LIMD1: variants seen among roughly 807,000 people sequenced by gnomAD.
LIMD1 encodes LIM domain-containing protein 1.
Under a neutral mutation model 58.4 loss-of-function variants are expected in LIMD1, and 23 were observed. The ratio of observed to expected loss-of-function variants is 0.39; its 90% CI spans 0.28 to 0.56. LIMD1 has a LOEUF of 0.56. Ranked by LOEUF, LIMD1 falls within the 20% of genes least tolerant of loss-of-function variation. LIMD1 has a pLI of 0.57. For missense variants in LIMD1, 838 were observed against 855.5 expected, an observed-to-expected ratio of 0.98 and a Z score of 0.25; for synonymous variants, 334 against 345.5, an observed-to-expected ratio of 0.97 and a Z score of 0.37.
intron 3 of LIMD1, among the ~76,000 whole-genome samples, chr3:45,667,988 C>T (rs1436753702): frequency 6.6e-6 from 1 of 152,132 alleles, no homozygotes; most frequent in Non-Finnish European, 1.5e-5. Context: ...GGGAACTGCT[C>T]TTTGAGAACC....
chr3:45,668,525 C>T (rs184068418), intron 4 of LIMD1, among the ~76,000 whole-genome samples, 169 bp downstream of exon 4: 6 of 152,186 alleles, frequency 3.9e-5, no homozygotes, highest in East Asian at 3.9e-4. Flanking sequence ...CCGAGGCGGG[C>T]GGATCACGAG....
intron 1 of LIMD1, among the ~76,000 whole-genome samples, chr3:45,626,649 A>G (rs1315971282): frequency 6.6e-6 from 1 of 152,190 alleles, no homozygotes; most frequent in Admixed American, 6.5e-5. Flanking sequence ...TTGCTACTGT[A>G]ATAGTAGATA....
chr3:45,673,512 T>C lies in LIMD1; in HGVS notation c.1824+7T>C. 1 of 1,612,266 alleles carries C rather than the reference T, an allele frequency of 6.2e-7. No individual in the cohort carries two copies. Among genetic ancestry groups the C allele is most frequent in the South Asian group, 1.1e-5 (1 of 91,048 alleles). On this transcript the variant is annotated splice_region_variant and intron_variant, in intron 6 of 7. Coordinates refer to ENST00000273317, the MANE Select transcript of LIMD1 (RefSeq NM_014240.3). ...TCCCATCCTTCCACCTGAGGTAAGA[T>C]GCCCTTCCAGACATGCTCCCAGGGG...
intron 1 of LIMD1, among the ~76,000 whole-genome samples, chr3:45,598,752 C>T (rs1218254457): frequency 2.0e-5 from 3 of 152,138 alleles, no homozygotes; most frequent in Non-Finnish European, 4.4e-5. Context: ...AATGTCCCAC[C>T]TAGAAGATGC....
rs1333278171 is a variant in LIMD1, at chr3:45,681,149, GTCTTT to G, written c.*4097_*4101del. ...GTACAGGGAAATTATTTTCCTCTGT[GTCTTT>G]TCTTTTACTATAAAGTGATTCAGAA... On this transcript the variant is annotated 3_prime_UTR_variant, in exon 8 of 8. Transcript: ENST00000273317. 3.9e-5 allele frequency: 6 copies of G among 152,088 alleles called. No individual in the cohort carries two copies. Among genetic ancestry groups the G allele is most frequent in the Admixed American group, 1.3e-4 (2 of 15,278 alleles). The allele number at this position is 152,088 out of a possible 1,614,324, so 9.4% of individuals were successfully genotyped here. A position where few individuals can be genotyped will look rare whatever the true frequency, so the allele number is the denominator to read the frequency against.
chr3:45,642,102 T>A (rs1330441919), intron 2 of LIMD1, among the ~76,000 whole-genome samples: 1 of 152,172 alleles, frequency 6.6e-6, no homozygotes, highest in Non-Finnish European at 1.5e-5. Context: ...CAGGTTCCCT[T>A]ACACGGATAT....
chr3:45,677,121 C>T lies in LIMD1; in HGVS notation c.*62C>T, dbSNP rs909575889. The T allele has an allele frequency of 2.1e-5, 33 of 1,581,370 alleles. No homozygotes were observed. Among genetic ancestry groups the T allele is most frequent in the South Asian group, 6.7e-5 (6 of 89,348 alleles). ...GAGCCGGGGTTGCTGCTGCTGCTTC[C>T]GGTGGCCCCTGGGGTGGAAGTGGGG... On this transcript the variant is annotated 3_prime_UTR_variant, in exon 8 of 8. Transcript: ENST00000273317.
chr3:45,642,404 T>G (rs1701852132), intron 2 of LIMD1, among the ~76,000 whole-genome samples: 2 of 152,180 alleles, frequency 1.3e-5, no homozygotes, highest in African/African-American at 4.8e-5. Context: ...CTCAAACTCC[T>G]GGGCTCAAGC....
chr3:45,633,740 G>A (rs1701759705), intron 1 of LIMD1, among the ~76,000 whole-genome samples: 1 of 152,216 alleles, frequency 6.6e-6, no homozygotes, highest in Non-Finnish European at 1.5e-5. Context: ...CCTACAGACT[G>A]CTTCACCCTG....
intron 1 of LIMD1, among the ~76,000 whole-genome samples, chr3:45,635,288 C>G (rs1412735060): frequency 6.6e-6 from 1 of 152,030 alleles, no homozygotes; most frequent in Non-Finnish European, 1.5e-5. Context: ...CTATGTTGCC[C>G]AGGCTGGTGT....
At chr3:45,646,426 A>C (rs981474395) in intron 2 of LIMD1, among the ~76,000 whole-genome samples, 1 of 152,184 alleles carries the variant, frequency 6.6e-6, no homozygotes, top group Non-Finnish European at 1.5e-5. Context: ...GTGGCCCTGC[A>C]GTGGGCCTCA....
chr3:45,674,270 C>A, intron 6 of LIMD1, 73 bp from the exon 7 acceptor site: 1 of 1,187,950 alleles, frequency 8.4e-7, no homozygotes, highest in Non-Finnish European at 1.3e-6. Context: ...CCCTCCCCAC[C>A]CCACGGTACA....
chr3:45,617,969 T>C (rs1385783190), intron 1 of LIMD1, among the ~76,000 whole-genome samples: 1 of 152,224 alleles, frequency 6.6e-6, no homozygotes, highest in East Asian at 1.9e-4. Flanking sequence ...CTACTCTGTG[T>C]TACTTCTGAG....
chr3:45,619,983 T>C (rs1187913424), intron 1 of LIMD1, among the ~76,000 whole-genome samples: 1 of 151,854 alleles, frequency 6.6e-6, no homozygotes, highest in Admixed American at 6.6e-5. Flanking sequence ...AATAATCCAG[T>C]AGAGAAGCAA....
chr3:45,629,524 C>A (rs1344428507), intron 1 of LIMD1, among the ~76,000 whole-genome samples: 1 of 151,722 alleles, frequency 6.6e-6, no homozygotes, highest in East Asian at 1.9e-4. Flanking sequence ...GGGCTCTATA[C>A]CAGGGACCTA....
intron 5 of LIMD1, among the ~76,000 whole-genome samples, chr3:45,673,182 G>C (rs1021440899): frequency 6.6e-6 from 1 of 152,202 alleles, no homozygotes; most frequent in Non-Finnish European, 1.5e-5. Context: ...TGGTTTGCCT[G>C]GGCCTGTGCT....
chr3:45,676,942 T>C lies in LIMD1; in HGVS notation c.1914T>C (p.Asn638=). ...CACAGGACTGTGGTCTGGAGCTCAATGATGAAGATGGCCACCGCTGTTATC... is the reference window on the plus strand; with the variant it reads ...CACAGGACTGTGGTCTGGAGCTCAACGATGAAGATGGCCACCGCTGTTATC... ...YHCEDCGLEL[N]DEDGHRCYPL... is the part of the protein sequence containing the mutation. Residue 638 remains asparagine (N), a synonymous_variant, in exon 8 of 8, where the codon AAT becomes AAC. Coordinates refer to ENST00000273317, the MANE Select transcript of LIMD1 (RefSeq NM_014240.3). 4 of 1,614,138 alleles carry C rather than the reference T, an allele frequency of 2.5e-6. No homozygotes were observed. The highest frequency in any genetic ancestry group is 3.4e-6 in the Non-Finnish European group (4 of 1,179,984).
chr3:45,670,993 A>G (rs1045426813), intron 4 of LIMD1, among the ~76,000 whole-genome samples: 1 of 152,230 alleles, frequency 6.6e-6, no homozygotes, highest in Non-Finnish European at 1.5e-5. Context: ...GCAAAATGGC[A>G]TCTTTTTCTA....
At position 45,595,389 on chromosome 3, in the gene LIMD1, T is replaced by A. The variant is rs1701334725; in HGVS notation, c.510T>A (p.Asp170Glu). 6.2e-7 allele frequency: 1 copy of A among 1,613,890 alleles called. No homozygotes were observed. Reference sequence around the variant, plus strand: ...TCCACCAGCCAGGCCCCTGTGAGGATCCTTCCTGCCTCACTCATGGAGACT... The same window carrying A: ...TCCACCAGCCAGGCCCCTGTGAGGAACCTTCCTGCCTCACTCATGGAGACT... Reference protein sequence around the residue: ...SAFHQPGPCEDPSCLTHGDYY... With the variant: ...SAFHQPGPCEEPSCLTHGDYY... Residue 170 changes from aspartate to glutamate, a missense_variant, in exon 1 of 8, where the codon GAT becomes GAA. Physicochemically the swap from Asp to Glu is conservative, Grantham distance 45. This residue lies in a region of LIMD1 where 659 missense variants were observed against 639.8 expected (regional missense o/e 1.03). Coordinates refer to ENST00000273317, the MANE Select transcript of LIMD1 (RefSeq NM_014240.3).
Sources: allele counts gnomAD v4.1 joint callset (sites outside exome capture counted in the v4.1 genomes callset), GRCh38; gene constraint gnomAD v4.1.1; regional missense constraint gnomAD v4.1.1; transcripts MANE v1.5; gene names NCBI Gene and HGNC (gene_info 2026-07-23, HGNC 2026-07-21).